SOD2: variants seen among roughly 807,000 people sequenced by gnomAD.
SOD2 encodes the protein superoxide dismutase 2.
SOD2 carries 11 observed loss-of-function variants against 27.0 expected under a neutral mutation model. That is an observed-to-expected ratio of 0.41 (90% CI 0.26 to 0.67). SOD2 has a LOEUF of 0.67. Ranked by LOEUF, SOD2 falls within the 30% of genes least tolerant of loss-of-function variation. SOD2 has a pLI of 0.34. For synonymous variants in SOD2, 105 were observed against 103.0 expected (o/e 1.02, Z -0.12); for missense variants, 250 against 274.5 (o/e 0.91, Z 0.63).
chr6:159,689,135 C>T (rs138631072), intron 2 of SOD2, among the ~76,000 whole-genome samples: 79 of 152,346 alleles, frequency 5.2e-4, no homozygotes, highest in South Asian at 1.2e-3. Flanking sequence ...TCATTGAGCA[C>T]GTGCTCACGC....
chr6:159,727,640 A>AG, upstream of SOD2: 1 of 985,492 alleles, frequency 1.0e-6, no homozygotes, highest in Non-Finnish European at 1.2e-6. Context: ...CCCGGGCGGC[A>AG]GGGCAAGCAG....
intron 3 of SOD2, among the ~76,000 whole-genome samples, 186 bp from the exon 4 acceptor site, chr6:159,685,219 C>CTTTTTTTTTTTTTTTTTTTTTTTTT (rs750824041): frequency 1.8e-4 from 13 of 73,918 alleles, no homozygotes; most frequent in South Asian, 6.2e-4. Flanking sequence ...ATAACTTCAA[C>CTTTTTTTTTTTTTTTTTTTTTTTTT]TTTTTTTTTT....
At chr6:159,727,521 T>G, upstream of SOD2, 1 of 992,082 alleles carries the variant, frequency 1.0e-6, no homozygotes, top group Non-Finnish European at 1.2e-6. Context: ...TCAGCGCCAT[T>G]TTGTGGCAGC....
intron 1 of SOD2, among the ~76,000 whole-genome samples, chr6:159,733,561 G>T (rs59928679): frequency 3.2e-4 from 49 of 151,780 alleles, no homozygotes; most frequent in African/African-American, 1.1e-3. Flanking sequence ...GGTCAAGATT[G>T]CAGTGAGCCA....
In SOD2 at chr6:159,681,147, G is replaced by A. The variant is rs1477940332; in HGVS notation, c.*1346C>T. Reference sequence around the variant, plus strand: ...TATACAAAAAGATCCCTGTGAGACGGAGCAGGGACCCCTCTTTGGGGTGTG... The same window carrying A: ...TATACAAAAAGATCCCTGTGAGACGAAGCAGGGACCCCTCTTTGGGGTGTG... On this transcript the variant is annotated 3_prime_UTR_variant, in exon 5 of 5. Coordinates refer to ENST00000538183, the MANE Select transcript of SOD2 (RefSeq NM_000636.4). 6.8e-6 allele frequency: 1 copy of A among 147,900 alleles called. No homozygotes were observed. Among genetic ancestry groups the A allele is most frequent in the African/African-American group, 2.4e-5 (1 of 41,000 alleles). The allele number at this position is 147,900 out of a possible 1,614,324, so 9.2% of individuals were successfully genotyped here. A position where few individuals can be genotyped will look rare whatever the true frequency, so the allele number is the denominator to read the frequency against.
Position 159,682,494 on chromosome 6 carries a change from T to C in SOD2, c.668A>G (p.Ter223=). 6.2e-7 allele frequency: 1 copy of C among 1,613,692 alleles called. No individual in the cohort carries two copies. The change falls in exon 5 of 5, where the codon TAA becomes TGA. Residue 223 remains the stop codon, a stop_retained_variant. Coordinates refer to ENST00000538183, the MANE Select transcript of SOD2 (RefSeq NM_000636.4). ...VTERYMACKK[*] ...CATACTCAGCATAACGATCGTGGTT[T>C]ACTTTTTGCAAGCCATGTATCTTTC...
intron 1 of SOD2, among the ~76,000 whole-genome samples, chr6:159,739,389 T>C (rs1338067491): frequency 1.3e-5 from 2 of 152,204 alleles, no homozygotes; most frequent in African/African-American, 2.4e-5. Context: ...GGTTACTTTT[T>C]CTTATTAGTG....
At chr6:159,721,719 G>C (rs1279055140) in intron 1 of SOD2, among the ~76,000 whole-genome samples, 12 of 133,292 alleles carry the variant, frequency 9.0e-5, no homozygotes, top group African/African-American at 2.8e-4. Context: ...GTAGAGATGG[G>C]GTTTCACTAT....
intron 1 of SOD2, chr6:159,726,927 C>A (rs1162040872): frequency 7.8e-7 from 1 of 1,288,772 alleles, no homozygotes; most frequent in Non-Finnish European, 1.0e-6. Flanking sequence ...ACCTGGTCCT[C>A]CGACACGCGG....
intron 1 of SOD2, among the ~76,000 whole-genome samples, chr6:159,704,337 C>T (rs1290808138): frequency 1.3e-5 from 2 of 152,178 alleles, no homozygotes; most frequent in African/African-American, 2.4e-5. Context: ...CATCGCCTCA[C>T]CTGGGAAGCG....
chr6:159,761,963 C>G lies in SOD2; in HGVS notation c.-1262G>C, dbSNP rs1373258828. ...GTGGGATGCGCGGGGAGGTGGTGCG[C>G]GGGGAGGTGGAGGGCGAGGGGCGGG... is the stretch of plus-strand genomic sequence containing the variant. On this transcript the variant is annotated 5_prime_UTR_variant, in exon 1 of 8. Coordinates refer to the SOD2 transcript ENST00000546087. 4.5e-6 allele frequency: 5 copies of G among 1,118,422 alleles called. No individual in the cohort carries two copies. In the South Asian group the frequency reaches 6.6e-5, roughly 15 times the overall value. 69.3% of individuals were successfully genotyped at this position (1,118,422 alleles called of 1,614,324 possible).
intron 1 of SOD2, among the ~76,000 whole-genome samples, chr6:159,738,129 A>G (rs1271361702): frequency 6.6e-6 from 1 of 152,342 alleles, no homozygotes; most frequent in East Asian, 1.9e-4. Context: ...GGGAAGAGCT[A>G]TATGCACTAT....
intron 1 of SOD2, among the ~76,000 whole-genome samples, chr6:159,738,239 C>G (rs1779039617): frequency 1.3e-5 from 2 of 152,220 alleles, no homozygotes; most frequent in Non-Finnish European, 2.9e-5. Flanking sequence ...CACATCTACC[C>G]CGTCCCTCTC....
intron 1 of SOD2, among the ~76,000 whole-genome samples, chr6:159,744,765 G>C (rs953902108): frequency 1.3e-5 from 2 of 152,050 alleles, no homozygotes; most frequent in African/African-American, 4.8e-5. Context: ...TCTCATCCAG[G>C]CTGGAGTGCA....
At chr6:159,759,639 C>T (rs1315771101) in intron 1 of SOD2, among the ~76,000 whole-genome samples, 2 of 144,476 alleles carry the variant, frequency 1.4e-5, no homozygotes, top group East Asian at 4.2e-4. Context: ...CACTGCACTC[C>T]AGCCTGGGTG....
At chr6:159,757,974 T>A (rs540369525) in intron 1 of SOD2, among the ~76,000 whole-genome samples, 63 of 152,360 alleles carry the variant, frequency 4.1e-4, no homozygotes, top group African/African-American at 1.5e-3. Flanking sequence ...GACCTGTTAA[T>A]GTGACATTTT....
At chr6:159,689,080 A>C (rs1780326595) in intron 2 of SOD2, among the ~76,000 whole-genome samples, 1 of 152,156 alleles carries the variant, frequency 6.6e-6, no homozygotes, top group Admixed American at 6.5e-5. Context: ...CTAGGTGTTT[A>C]CACTCAGCTA....
intron 1 of SOD2, among the ~76,000 whole-genome samples, chr6:159,707,830 G>C (rs1290594705): frequency 6.6e-6 from 1 of 152,100 alleles, no homozygotes; most frequent in Non-Finnish European, 1.5e-5. Context: ...GAGAATTTTA[G>C]ACCAATATCC....
intron 1 of SOD2, among the ~76,000 whole-genome samples, chr6:159,706,540 A>G (rs1458026467): frequency 1.3e-5 from 2 of 152,224 alleles, no homozygotes; most frequent in Non-Finnish European, 2.9e-5. Context: ...CATAATGGTA[A>G]AGGGATCAAT....
Sources: allele counts gnomAD v4.1 joint callset (sites outside exome capture counted in the v4.1 genomes callset), GRCh38; gene constraint gnomAD v4.1.1; transcripts MANE v1.5; gene names NCBI Gene and HGNC (gene_info 2026-07-23, HGNC 2026-07-21).